MINAR1: variants seen among roughly 807,000 people sequenced by gnomAD.
The protein encoded by MINAR1 is major intrinsically disordered Notch2-binding receptor 1.
MINAR1 carries 40 observed loss-of-function variants against 65.1 expected under a neutral mutation model. The observed-to-expected ratio is 0.61, with a 90% CI of 0.48 to 0.80. The LOEUF (loss-of-function observed/expected upper bound fraction) is 0.80. Among genes scored for constraint, MINAR1 ranks in the 30% least tolerant of loss-of-function variants. MINAR1 has a pLI of 0.00. For synonymous variants in MINAR1, 482 were observed against 449.1 expected (o/e 1.07, Z -0.93); for missense variants, 1,128 against 1,148.0 (o/e 0.98, Z 0.25).
At chr15:79,435,353 G>A (rs1387416830) in intron 1 of MINAR1, among the ~76,000 whole-genome samples, 1 of 152,138 alleles carries the variant, frequency 6.6e-6, no homozygotes, top group Non-Finnish European at 1.5e-5. Context: ...TCAGTGTGGT[G>A]TCTGAAGAAC....
chr15:79,434,770 G>A (rs942204811), intron 1 of MINAR1, among the ~76,000 whole-genome samples: 3 of 152,182 alleles, frequency 2.0e-5, no homozygotes, highest in Non-Finnish European at 4.4e-5. Flanking sequence ...AAGAAAAGAA[G>A]GCTATGAAGC....
intron 1 of MINAR1, among the ~76,000 whole-genome samples, chr15:79,452,909 CTGAG>C (rs954429854): frequency 1.4e-5 from 2 of 147,740 alleles, no homozygotes; most frequent in Non-Finnish European, 3.0e-5. Flanking sequence ...CTGGGTGAAT[CTGAG>C]TGAAGCTATG....
At position 79,458,118 on chromosome 15, in the gene MINAR1, C is replaced by T; in HGVS notation, c.1971C>T (p.Asp657=). The T allele has an allele frequency of 6.2e-7, 1 of 1,614,206 alleles. No individual in the cohort carries two copies. The highest frequency in any genetic ancestry group is 8.5e-7 in the Non-Finnish European group (1 of 1,180,042). The change falls in exon 2 of 4, where the codon GAC becomes GAT. Residue 657 remains aspartate, a synonymous_variant. Coordinates refer to ENST00000305428, the MANE Select transcript of MINAR1 (RefSeq NM_015206.3). ...NSLTSEGPSD[D]SASPRMFHAH... Reference sequence around the variant, plus strand: ...TGACAAGCGAGGGTCCGTCTGATGACAGTGCCTCTCCCCGGATGTTCCACG... The same window carrying T: ...TGACAAGCGAGGGTCCGTCTGATGATAGTGCCTCTCCCCGGATGTTCCACG...
chr15:79,453,243 C>G (rs1197261105), intron 1 of MINAR1, among the ~76,000 whole-genome samples: 2 of 152,090 alleles, frequency 1.3e-5, no homozygotes, highest in Non-Finnish European at 2.9e-5. Flanking sequence ...TCTTCCACCC[C>G]TCATTCACTT....
At chr15:79,467,580 G>T (rs1358328847) in intron 3 of MINAR1, among the ~76,000 whole-genome samples, 1 of 152,234 alleles carries the variant, frequency 6.6e-6, no homozygotes, top group Non-Finnish European at 1.5e-5. Flanking sequence ...GCCAAGGCAG[G>T]TCTAGGGTGG....
Position 79,457,969 on chromosome 15 carries a change from C to T in MINAR1, c.1822C>T (p.Arg608Trp), listed in dbSNP as rs779063853. 3.2e-5 allele frequency: 51 copies of T among 1,613,960 alleles called. No homozygotes were observed. Among genetic ancestry groups the T allele is most frequent in the Middle Eastern group, 1.6e-4 (1 of 6,084 alleles). Reference protein sequence around the residue: ...KLVLRIGEIERKLESLSGVRD... With the variant: ...KLVLRIGEIEWKLESLSGVRD... ...GGTGCTCAGGATTGGCGAAATTGAACGGAAGCTGGAATCCCTGTCGGGTGT... is the reference window on the plus strand; with the variant it reads ...GGTGCTCAGGATTGGCGAAATTGAATGGAAGCTGGAATCCCTGTCGGGTGT... Residue 608 changes from arginine to tryptophan, a missense_variant, in exon 2 of 4, where the codon CGG becomes TGG. Coordinates refer to ENST00000305428, the MANE Select transcript of MINAR1 (RefSeq NM_015206.3).
rs1383888272 is a variant in MINAR1 at position 79,469,855 on chromosome 15, C to G, written c.*1471C>G. ...TAGATTTTGGTAGCAAGTGTAATCA[C>G]TCCGTATGATATAATAAATTTCTAA... On this transcript the variant is annotated 3_prime_UTR_variant, in exon 4 of 4. Coordinates refer to ENST00000305428, the MANE Select transcript of MINAR1 (RefSeq NM_015206.3). The G allele has an allele frequency of 6.6e-6, 1 of 152,620 alleles. No individual in the cohort carries two copies. Among genetic ancestry groups the G allele is most frequent in the Admixed American group, 6.5e-5 (1 of 15,286 alleles). 9.5% of individuals were successfully genotyped at this position (152,620 alleles called of 1,614,324 possible). A position where few individuals can be genotyped will look rare whatever the true frequency, so the allele number is the denominator to read the frequency against.
chr15:79,416,319 G>T, the MINAR1 span: 1 of 152,332 alleles, frequency 6.6e-6, no homozygotes, highest in Admixed American at 6.5e-5. Flanking sequence ...TTGGCAGCTG[G>T]TATGGAAATT....
At chr15:79,430,192 A>G (rs1894405040), upstream of MINAR1, among the ~76,000 whole-genome samples, 1 of 152,160 alleles carries the variant, frequency 6.6e-6, no homozygotes, top group Non-Finnish European at 1.5e-5. Flanking sequence ...CAAAAGGGTT[A>G]TTTCAGAAAG....
the MINAR1 span, chr15:79,414,832 A>G: frequency 1.3e-5 from 2 of 152,276 alleles, no homozygotes; most frequent in South Asian, 4.1e-4. Flanking sequence ...GAGCATGCAG[A>G]TAATTATAGC....
At chr15:79,422,218 A>G in the MINAR1 span, 1 of 152,236 alleles carries the variant, frequency 6.6e-6, no homozygotes. Context: ...GTTCACAGTC[A>G]GGAGGCACCA....
intron 2 of MINAR1, among the ~76,000 whole-genome samples, chr15:79,462,512 C>T (rs1289741008): frequency 6.6e-6 from 1 of 152,184 alleles, no homozygotes; most frequent in African/African-American, 2.4e-5. Flanking sequence ...CTGGGAAAAT[C>T]ACTAGAGGCT....
At position 79,468,218 on chromosome 15, in the gene MINAR1, A is replaced by T; in HGVS notation, c.2585A>T (p.Glu862Val). 6.2e-7 allele frequency: 1 copy of T among 1,613,982 alleles called. No homozygotes were observed. The highest frequency in any genetic ancestry group is 8.5e-7 in the Non-Finnish European group (1 of 1,179,906). ...TQESLNPNNLEYWMEDIYTPG... is the reference protein window; with the variant it reads ...TQESLNPNNLVYWMEDIYTPG... Reference sequence around the variant, plus strand: ...GAATCTTTAAACCCAAATAATTTAGAGTACTGGATGGAAGACATTTATACT... The same window carrying T: ...GAATCTTTAAACCCAAATAATTTAGTGTACTGGATGGAAGACATTTATACT... Residue 862 changes from glutamate to valine, a missense_variant, in exon 4 of 4, where the codon GAG (glutamate) becomes GTG (valine). Physicochemically the swap from Glu to Val is moderately radical, Grantham distance 121. Coordinates refer to ENST00000305428, the MANE Select transcript of MINAR1 (RefSeq NM_015206.3).
At chr15:79,461,837 G>A (rs1404564888) in intron 2 of MINAR1, among the ~76,000 whole-genome samples, 2 of 151,920 alleles carry the variant, frequency 1.3e-5, no homozygotes, top group East Asian at 3.9e-4. Context: ...ACATACAAGT[G>A]TGCTTCCAGC....
At chr15:79,454,154 G>A (rs1895334728) in intron 1 of MINAR1, among the ~76,000 whole-genome samples, 1 of 152,208 alleles carries the variant, frequency 6.6e-6, no homozygotes, top group Admixed American at 6.5e-5. Context: ...CTGGGGCGGG[G>A]TGGGAAGAAA....
the MINAR1 span, chr15:79,420,987 C>T: frequency 6.6e-6 from 1 of 152,248 alleles, no homozygotes; most frequent in Non-Finnish European, 1.5e-5. Context: ...GTTGTATTCT[C>T]ATCACTCAGT....
rs1203556493 is a variant in MINAR1, at chr15:79,456,523, A to G, written c.376A>G (p.Thr126Ala). 1.2e-6 allele frequency: 2 copies of G among 1,614,084 alleles called. No homozygotes were observed. The highest frequency in any genetic ancestry group is 1.1e-5 in the South Asian group (1 of 91,086). The change falls in exon 2 of 4, where the codon ACA becomes GCA. Residue 126 changes from threonine to alanine, a missense_variant. Physicochemically the swap from Thr to Ala is moderately conservative, Grantham distance 58. Transcript: ENST00000305428. ...EASFESCRSDTEICNAAECEP... is the reference protein window; with the variant it reads ...EASFESCRSDAEICNAAECEP... ...ATCCTTTGAATCATGTAGGTCGGAC[A>G]CAGAGATCTGCAATGCAGCTGAGTG... is the stretch of plus-strand genomic sequence containing the variant.
chr15:79,446,634 A>G (rs547270316), intron 1 of MINAR1, among the ~76,000 whole-genome samples: 18 of 151,992 alleles, frequency 1.2e-4, no homozygotes, highest in Admixed American at 9.8e-4. Flanking sequence ...GGTATTCTTT[A>G]GTTTCAATAT....
At chr15:79,427,381 TAACA>T (rs1386266382), upstream of MINAR1, 1 of 152,166 alleles carries the variant, frequency 6.6e-6, no homozygotes, top group Non-Finnish European at 1.5e-5. Flanking sequence ...TTTACCTATA[TAACA>T]AACCTGCATA....
Sources: gnomAD v4.1 joint callset for allele counts (sites outside exome capture counted in the v4.1 genomes callset) on GRCh38, gnomAD v4.1.1 for gene constraint, MANE v1.5 for transcripts, NCBI Gene and HGNC (gene_info 2026-07-23, HGNC 2026-07-21) for gene names.